CACNA1A: variants seen among roughly 807,000 people sequenced by gnomAD.
CACNA1A encodes calcium voltage-gated channel subunit alpha1 A, also known as voltage-dependent P/Q-type calcium channel subunit alpha-1A.
A neutral mutation model predicts 262.4 loss-of-function variants in CACNA1A; 57 were observed. That is an observed-to-expected ratio of 0.22 (90% CI 0.18 to 0.27). CACNA1A has a LOEUF of 0.27. Among genes scored for constraint, CACNA1A ranks in the 10% least tolerant of loss-of-function variants. The pLI is 1.00. For synonymous variants in CACNA1A, 1,431 were observed against 1,419.3 expected (o/e 1.01, Z -0.18); for missense variants, 2,526 against 3,562.8 (o/e 0.71, Z 7.41).
chr19:13,383,186 A>G (rs2059551660), intron 3 of CACNA1A, among the ~76,000 whole-genome samples: 1 of 152,234 alleles, frequency 6.6e-6, no homozygotes, highest in Non-Finnish European at 1.5e-5. Flanking sequence ...GCTACCAAGG[A>G]CAAAGCAATA....
chr19:13,331,345 T>C (rs1460579955), intron 9 of CACNA1A, among the ~76,000 whole-genome samples: 1 of 152,008 alleles, frequency 6.6e-6, no homozygotes, highest in African/African-American at 2.4e-5. Context: ...CAAGCAATTC[T>C]CGTAGTTTAG....
At chr19:13,459,347 C>A (rs2061072900) in intron 1 of CACNA1A, among the ~76,000 whole-genome samples, 1 of 152,158 alleles carries the variant, frequency 6.6e-6, no homozygotes, top group Non-Finnish European at 1.5e-5. Context: ...GAAATAGAAA[C>A]CCCCTCAGTA....
At chr19:13,408,177 G>A (rs532151174) in intron 3 of CACNA1A, among the ~76,000 whole-genome samples, 1 of 152,242 alleles carries the variant, frequency 6.6e-6, no homozygotes, top group East Asian at 1.9e-4. Flanking sequence ...CGAATACACT[G>A]GGCAACATGG....
chr19:13,377,258 A>T (rs1244490467), intron 3 of CACNA1A, among the ~76,000 whole-genome samples: 1 of 152,034 alleles, frequency 6.6e-6, no homozygotes, highest in African/African-American at 2.4e-5. Context: ...CACTGTACCC[A>T]GCCAGAAAAA....
At chr19:13,324,659 G>A (rs1032309555) in intron 10 of CACNA1A, among the ~76,000 whole-genome samples, 1 of 152,176 alleles carries the variant, frequency 6.6e-6, no homozygotes, top group Non-Finnish European at 1.5e-5. Flanking sequence ...CTTGAGGCCA[G>A]GAGTTTGAGA....
intron 38 of CACNA1A, among the ~76,000 whole-genome samples, chr19:13,221,776 T>C (rs1477530215): frequency 1.3e-5 from 2 of 152,132 alleles, no homozygotes; most frequent in African/African-American, 4.8e-5. Context: ...CTTTTAAACA[T>C]AGAAGCTGCC....
At chr19:13,468,691 G>A (rs2061297990) in intron 1 of CACNA1A, among the ~76,000 whole-genome samples, 1 of 152,176 alleles carries the variant, frequency 6.6e-6, no homozygotes, top group Non-Finnish European at 1.5e-5. Context: ...GGAGGCTGAG[G>A]CAGGAAAACT....
intron 6 of CACNA1A, among the ~76,000 whole-genome samples, chr19:13,342,721 G>T: frequency 6.6e-6 from 1 of 152,028 alleles, no homozygotes; most frequent in South Asian, 2.1e-4. Flanking sequence ...TTTCCTTCTG[G>T]AATAGCAAGT....
rs369541133 is a variant in CACNA1A at position 13,267,514 on chromosome 19, C to T, written c.3990-4681G>A. Among the ~76,000 whole-genome samples the T allele has an allele frequency of 9.2e-5, 14 of 152,302 alleles. No homozygotes were observed. In the East Asian group the frequency reaches 2.3e-3, roughly 25 times the overall value. The stretch of plus-strand genomic sequence containing the variant: ...TGAATTCACCACGGAAAGTCACTGC[C>T]AAGAGCCGGAGAAACCCCTCTTCTC... On this transcript the variant is annotated intron_variant, in intron 24 of 46. Coordinates refer to ENST00000360228, the MANE Select transcript of CACNA1A (RefSeq NM_001127222.2).
chr19:13,359,516 CT>C, intron 6 of CACNA1A, 89 bp downstream of exon 6: 2 of 1,028,010 alleles, frequency 1.9e-6, no homozygotes, highest in Non-Finnish European at 3.0e-6. Flanking sequence ...CTCAGGGTCC[CT>C]CCATTGCAGC....
chr19:13,358,753 C>A (rs4410214), intron 6 of CACNA1A, among the ~76,000 whole-genome samples: 3,882 of 152,134 alleles, frequency 0.026, 121 homozygotes, highest in East Asian at 0.075. Context: ...CCACATACTA[C>A]GGGGAAATAT....
At chr19:13,294,203 CAAA>C (rs57648096) in intron 19 of CACNA1A, among the ~76,000 whole-genome samples, 2 of 99,620 alleles carry the variant, frequency 2.0e-5, no homozygotes, top group Non-Finnish European at 4.2e-5. Context: ...GACCCTGCCT[CAAA>C]AAAAAAAAAA....
rs180791330 is a variant in CACNA1A at position 13,350,413 on chromosome 19, G to A, written c.978+9193C>T. On this transcript the variant is annotated intron_variant, in intron 6 of 46. Transcript: ENST00000360228. The stretch of plus-strand genomic sequence containing the variant: ...CACCTTGGGGAGGAAACACTTAGGG[G>A]TCTGTGGACAGAATTCAAGGAGTTC... Among the ~76,000 whole-genome samples, 4 of 152,252 alleles carry A rather than the reference G, an allele frequency of 2.6e-5. No individual in the cohort carries two copies. In the East Asian group the frequency reaches 7.7e-4, roughly 29 times the overall value.
intron 3 of CACNA1A, among the ~76,000 whole-genome samples, chr19:13,406,561 T>C (rs1410071263): frequency 1.5e-5 from 2 of 133,392 alleles, no homozygotes; most frequent in Admixed American, 8.1e-5. Context: ...AATTCAGGGA[T>C]TGAGCAGGAG....
In CACNA1A at chr19:13,494,700, T is replaced by C. The variant is rs1648935552; in HGVS notation, c.293+11232A>G. 1.3e-5 allele frequency among the ~76,000 whole-genome samples: 2 copies of C among 152,016 alleles called. 1 individual carries two copies. The highest frequency in any genetic ancestry group is 1.3e-4 in the Admixed American group (2 of 15,278). Reference sequence around the variant, plus strand: ...CATGGCTGGGGACGCCTCAGGAAACTTACAAATCATGGCAGAAGGCAAAGG... The same window carrying C: ...CATGGCTGGGGACGCCTCAGGAAACCTACAAATCATGGCAGAAGGCAAAGG... On this transcript the variant is annotated intron_variant, in intron 1 of 46. Transcript: ENST00000360228.
rs1978915618 is a variant in CACNA1A, at chr19:13,478,966, G to T, written c.294-23754C>A. Among the ~76,000 whole-genome samples, 3 of 152,310 alleles carry T rather than the reference G, an allele frequency of 2.0e-5. No homozygotes were observed. In the South Asian group the frequency reaches 6.2e-4, roughly 32 times the overall value. ...AGGTGGGTGGATCACCTGAGGTCAG[G>T]AGTTTGAGATCAGCCTGGCCAACAT... On this transcript the variant is annotated intron_variant, in intron 1 of 46. Coordinates refer to ENST00000360228, the MANE Select transcript of CACNA1A (RefSeq NM_001127222.2).
At chr19:13,318,458 A>AG (rs2058175224) in intron 10 of CACNA1A, among the ~76,000 whole-genome samples, 1 of 151,946 alleles carries the variant, frequency 6.6e-6, no homozygotes, top group Non-Finnish European at 1.5e-5. Flanking sequence ...ACCCTGAGTG[A>AG]GGGGGGAGCC....
intron 1 of CACNA1A, among the ~76,000 whole-genome samples, chr19:13,478,394 T>C (rs375772407): frequency 1.1e-4 from 17 of 152,266 alleles, no homozygotes; most frequent in East Asian, 9.6e-4. Flanking sequence ...GATCACTCAC[T>C]GCGGTCTTGA....
At chr19:13,473,056 C>T (rs1435394352) in intron 1 of CACNA1A, among the ~76,000 whole-genome samples, 2 of 151,964 alleles carry the variant, frequency 1.3e-5, no homozygotes, top group African/African-American at 2.4e-5. Flanking sequence ...AGTTCAAGAC[C>T]AGTCTGGGCA....
Sources: allele counts gnomAD v4.1 joint callset (sites outside exome capture counted in the v4.1 genomes callset), GRCh38; gene constraint gnomAD v4.1.1; transcripts MANE v1.5; gene names NCBI Gene and HGNC (gene_info 2026-07-23, HGNC 2026-07-21).